FAM217A: variants seen among roughly 807,000 people sequenced by gnomAD.
FAM217A encodes the protein family with sequence similarity 217 member A.
A neutral mutation model predicts 18.5 loss-of-function variants in FAM217A; 13 were observed. That is an observed-to-expected ratio of 0.70 (90% confidence interval 0.46 to 1.12). The LOEUF (loss-of-function observed/expected upper bound fraction) is 1.12. FAM217A is among the 50% of genes most tolerant of loss of function. FAM217A has a pLI of 0.00. For synonymous variants in FAM217A, 161 were observed against 202.8 expected (o/e 0.79, Z 1.75); for missense variants, 560 against 575.4 (o/e 0.97, Z 0.27).
At chr6:4,085,872 G>A (rs1027499374) in intron 1 of FAM217A, among the ~76,000 whole-genome samples, 44 of 152,274 alleles carry the variant, frequency 2.9e-4, no homozygotes, top group African/African-American at 9.1e-4. Flanking sequence ...CAGTCTGGGA[G>A]GCCGAGGCAA....
chr6:4,068,582 T>G lies in FAM217A; in HGVS notation c.*114A>C, dbSNP rs1404375994. Reference sequence around the variant, plus strand: ...TACTCCATATCACATCAAGCAACTGTTTGGTGATTTTGGGGGACTGTTAAT... The same window carrying G: ...TACTCCATATCACATCAAGCAACTGGTTGGTGATTTTGGGGGACTGTTAAT... On this transcript the variant is annotated 3_prime_UTR_variant, in exon 7 of 7. Coordinates refer to ENST00000274673, the MANE Select transcript of FAM217A (RefSeq NM_173563.3). 5 of 1,171,410 alleles carry G rather than the reference T, an allele frequency of 4.3e-6. No individual in the cohort carries two copies. The highest frequency in any genetic ancestry group is 6.0e-6 in the Non-Finnish European group (5 of 838,748). The allele number at this position is 1,171,410 out of a possible 1,614,324, so 72.6% of individuals were successfully genotyped here. A position where few individuals can be genotyped will look rare whatever the true frequency, so the allele number is the denominator to read the frequency against.
chr6:4,082,406 C>A (rs1199964624), upstream of FAM217A, among the ~76,000 whole-genome samples: 2 of 152,240 alleles, frequency 1.3e-5, no homozygotes, highest in East Asian at 1.9e-4. Flanking sequence ...GTCTCTCAGT[C>A]CCAGTCTCCC....
intron 1 of FAM217A, among the ~76,000 whole-genome samples, chr6:4,085,404 T>A (rs890310789): frequency 2.3e-4 from 35 of 152,026 alleles, no homozygotes; most frequent in Admixed American, 5.9e-4. Flanking sequence ...ACTTCAGATT[T>A]CAACCAAAGT....
intron 6 of FAM217A, among the ~76,000 whole-genome samples, chr6:4,072,701 G>C (rs759857131): frequency 6.6e-6 from 1 of 151,818 alleles, no homozygotes; most frequent in Non-Finnish European, 1.5e-5. Flanking sequence ...GGCAGAGGTT[G>C]TGATGAGCTG....
At chr6:4,074,268 TATTC>T (rs1380592463) in intron 4 of FAM217A, among the ~76,000 whole-genome samples, 171 bp downstream of exon 4, 20 of 152,362 alleles carry the variant, frequency 1.3e-4, no homozygotes, top group Non-Finnish European at 7.3e-5. Context: ...TATAACAAAA[TATTC>T]ATTTAATAAC....
intron 2 of FAM217A, among the ~76,000 whole-genome samples, chr6:4,076,874 A>AAAAC (rs533241063): frequency 2.6e-5 from 4 of 152,238 alleles, no homozygotes; most frequent in Non-Finnish European, 1.5e-5. Context: ...TCTCGTCTCC[A>AAAAC]AAACAAACAA....
At chr6:4,085,844 T>A (rs1770620209) in intron 1 of FAM217A, among the ~76,000 whole-genome samples, 1 of 152,196 alleles carries the variant, frequency 6.6e-6, no homozygotes, top group East Asian at 1.9e-4. Flanking sequence ...ACATAGTGGC[T>A]TGCGCTTGTA....
At chr6:4,076,925 T>C (rs141001415) in intron 2 of FAM217A, among the ~76,000 whole-genome samples, 116 of 152,188 alleles carry the variant, frequency 7.6e-4, no homozygotes, top group African/African-American at 2.6e-3. Context: ...CATAACCAAA[T>C]TGATCAACTG....
At position 4,073,435 on chromosome 6, in the gene FAM217A, GTGTACTT is replaced by G; in HGVS notation, c.225_231del (p.Lys75AsnfsTer22). 6.2e-7 allele frequency: 1 copy of G among 1,612,206 alleles called. No individual in the cohort carries two copies. The highest frequency in any genetic ancestry group is 8.5e-7 in the Non-Finnish European group (1 of 1,179,106). ...GGGTATGAAGAATAAAATCCCACCT[GTGTACTT>G]TTTTGACTATGCACCGACAAATTAG... On this transcript the variant is annotated frameshift_variant, in exon 5 of 7. Coordinates refer to ENST00000274673, the MANE Select transcript of FAM217A (RefSeq NM_173563.3). LOFTEE classifies it high-confidence loss of function.
At chr6:4,083,938 G>A (rs1770475072), upstream of FAM217A, among the ~76,000 whole-genome samples, 1 of 152,090 alleles carries the variant, frequency 6.6e-6, no homozygotes, top group East Asian at 1.9e-4. Context: ...ATGCATTTTT[G>A]TTCTCAAATA....
intron 6 of FAM217A, among the ~76,000 whole-genome samples, chr6:4,071,124 T>C (rs547660054): frequency 6.6e-6 from 1 of 151,930 alleles, no homozygotes; most frequent in African/African-American, 2.4e-5. Flanking sequence ...CACGTACATG[T>C]AGTATGAAGA....
Position 4,077,432 on chromosome 6 carries a change from T to G in FAM217A, c.-18A>C. On this transcript the variant is annotated 5_prime_UTR_variant, in exon 2 of 7. Coordinates refer to ENST00000274673, the MANE Select transcript of FAM217A (RefSeq NM_173563.3). Reference sequence around the variant, plus strand: ...CTCCCCATTTTGTTGTAGCTGTTGCTCTGTTTCCTTAAAATCCTACACAGA... The same window carrying G: ...CTCCCCATTTTGTTGTAGCTGTTGCGCTGTTTCCTTAAAATCCTACACAGA... 1 of 1,614,008 alleles carries G rather than the reference T, an allele frequency of 6.2e-7. No individual in the cohort carries two copies. Among genetic ancestry groups the G allele is most frequent in the Middle Eastern group, 1.6e-4 (1 of 6,062 alleles).
rs747834236 is a variant in FAM217A at position 4,069,311 on chromosome 6, C to G, written c.912G>C (p.Glu304Asp). The G allele has an allele frequency of 6.2e-6, 10 of 1,614,126 alleles. No individual in the cohort carries two copies. In the South Asian group the frequency reaches 1.1e-4, roughly 18 times the overall value. ...ERLQHMTIQK[E>D]RPRLQTTFCT... ...AGAAAGTCGTTTGTAGTCTTGGCCT[C>G]TCTTTTTGAATAGTCATATGTTGTA... The change falls in exon 7 of 7, where the codon GAG becomes GAC. Residue 304 changes from glutamate to aspartate, a missense_variant. Coordinates refer to ENST00000274673, the MANE Select transcript of FAM217A (RefSeq NM_173563.3).
Position 4,074,442 on chromosome 6 carries a change from C to G in FAM217A, c.159+1G>C, listed in dbSNP as rs777563509. The G allele has an allele frequency of 3.9e-5, 61 of 1,575,658 alleles. No individual in the cohort carries two copies. The highest frequency in any genetic ancestry group is 5.2e-5 in the Non-Finnish European group (60 of 1,147,574). On this transcript the variant is annotated splice_donor_variant, in intron 4 of 6. Coordinates refer to ENST00000274673, the MANE Select transcript of FAM217A (RefSeq NM_173563.3). LOFTEE classifies it high-confidence loss of function. ...CCTTAAAACCAAACATTCATCCTTA[C>G]CTTGTTAATTTTGCCTGAAATGTGT...
intron 4 of FAM217A, 103 bp from the exon 5 acceptor site, chr6:4,073,610 C>G (rs1478446346): frequency 2.4e-6 from 2 of 835,910 alleles, no homozygotes; most frequent in African/African-American, 3.5e-5. Flanking sequence ...TATGGTAAAA[C>G]TGAATGACAC....
upstream of FAM217A, chr6:4,087,195 G>A (rs1196980410): frequency 1.6e-6 from 1 of 612,496 alleles, no homozygotes; most frequent in East Asian, 3.4e-5. Context: ...GGATACGCGC[G>A]CCCCCGCTTT....
At chr6:4,087,023 G>T in exon 1 of FAM217A, 1 of 398,970 alleles carries the variant, frequency 2.5e-6, no homozygotes, top group Admixed American at 4.4e-5. Context: ...TGTTAATCTG[G>T]GCATTTCCTC....
At chr6:4,082,588 G>A (rs1770372282), upstream of FAM217A, among the ~76,000 whole-genome samples, 1 of 152,208 alleles carries the variant, frequency 6.6e-6, no homozygotes, top group Non-Finnish European at 1.5e-5. Flanking sequence ...CCATTCCAGA[G>A]AGTGGCCCAT....
At chr6:4,083,881 T>C (rs1028629725), upstream of FAM217A, among the ~76,000 whole-genome samples, 1 of 152,196 alleles carries the variant, frequency 6.6e-6, no homozygotes, top group Non-Finnish European at 1.5e-5. Context: ...TCAATATAAT[T>C]ATGTAACATT....
Sources: gnomAD v4.1 joint callset for allele counts (sites outside exome capture counted in the v4.1 genomes callset) on GRCh38, gnomAD v4.1.1 for gene constraint, MANE v1.5 for transcripts, NCBI Gene and HGNC (gene_info 2026-07-23, HGNC 2026-07-21) for gene names.